ELOVL5: variants seen among roughly 807,000 people sequenced by gnomAD.
ELOVL5 encodes ELOVL fatty acid elongase 5.
ELOVL5 carries 8 observed loss-of-function variants against 38.6 expected under a neutral mutation model. The ratio of observed to expected loss-of-function variants is 0.21; its 90% CI spans 0.12 to 0.37. The LOEUF is 0.37. ELOVL5 is among the 10% of genes least tolerant of loss of function. The pLI is 1.00. For synonymous variants in ELOVL5, 127 were observed against 133.7 expected, an observed-to-expected ratio of 0.95 and a Z score of 0.34; for missense variants, 280 against 367.8, an observed-to-expected ratio of 0.76 and a Z score of 1.95.
At chr6:53,298,991 TAATTA>T (rs1161817609) in intron 1 of ELOVL5, among the ~76,000 whole-genome samples, 2 of 151,774 alleles carry the variant, frequency 1.3e-5, no homozygotes, top group African/African-American at 4.8e-5. Flanking sequence ...AGGAATGTAC[TAATTA>T]AATACACAAA....
chr6:53,271,687 AGGTT>A (rs2127565657), intron 6 of ELOVL5, among the ~76,000 whole-genome samples: 1 of 152,318 alleles, frequency 6.6e-6, no homozygotes, highest in East Asian at 1.9e-4. Flanking sequence ...TCAAACTCTC[AGGTT>A]CAAGAGATCC....
At chr6:53,293,834 A>T (rs1581941711) in intron 2 of ELOVL5, among the ~76,000 whole-genome samples, 1 of 151,596 alleles carries the variant, frequency 6.6e-6, no homozygotes, top group South Asian at 2.1e-4. Context: ...TGCCCTCCAC[A>T]CCCTCCCCAC....
chr6:53,279,571 T>C lies in ELOVL5; in HGVS notation c.247-3315A>G, dbSNP rs146792680. On this transcript the variant is annotated intron_variant, in intron 3 of 7. Coordinates refer to ENST00000304434, the MANE Select transcript of ELOVL5 (RefSeq NM_021814.5). ...TAGCGTACCAGAGATGTCAAACAAA[T>C]ATTTGCTAAACAAATGACAAAGAGT... Among the ~76,000 whole-genome samples the C allele has an allele frequency of 1.9e-4, 29 of 152,324 alleles. No homozygotes were observed. The East Asian group carries it at 5.4e-3, about 28-fold the overall frequency.
intron 1 of ELOVL5, among the ~76,000 whole-genome samples, chr6:53,348,232 G>C (rs978478769): frequency 1.3e-5 from 2 of 152,218 alleles, no homozygotes; most frequent in East Asian, 3.9e-4. Flanking sequence ...CCGAGGGGCG[G>C]ACGGAAGGTC....
intron 1 of ELOVL5, among the ~76,000 whole-genome samples, chr6:53,301,198 T>C (rs1767234650): frequency 6.6e-6 from 1 of 152,152 alleles, no homozygotes; most frequent in African/African-American, 2.4e-5. Flanking sequence ...CACTGCCAGG[T>C]CTGTGGTTGG....
intron 1 of ELOVL5, among the ~76,000 whole-genome samples, chr6:53,348,001 C>T (rs1322553510): frequency 1.4e-5 from 2 of 145,488 alleles, no homozygotes; most frequent in Non-Finnish European, 3.0e-5. Context: ...CACTCTAGCT[C>T]CCCCGGCGCA....
chr6:53,340,885 T>C (rs1042841776), intron 1 of ELOVL5, among the ~76,000 whole-genome samples: 1 of 152,192 alleles, frequency 6.6e-6, no homozygotes, highest in African/African-American at 2.4e-5. Context: ...AATCTGGAGA[T>C]AGAGGCTCCC....
chr6:53,348,030 G>A (rs1277090102), intron 1 of ELOVL5, among the ~76,000 whole-genome samples: 1 of 93,200 alleles, frequency 1.1e-5, no homozygotes, highest in South Asian at 3.3e-4. Context: ...CCGCCCCCCC[G>A]CCGCGCGCCT....
At chr6:53,274,397 G>A (rs1413682390) in intron 5 of ELOVL5, among the ~76,000 whole-genome samples, 2 of 151,994 alleles carry the variant, frequency 1.3e-5, no homozygotes, top group Non-Finnish European at 2.9e-5. Context: ...CAAGGGCAGT[G>A]CTATCCCAGA....
chr6:53,329,654 T>C (rs961800920), intron 1 of ELOVL5, among the ~76,000 whole-genome samples: 5 of 152,022 alleles, frequency 3.3e-5, no homozygotes, highest in African/African-American at 1.2e-4. Context: ...TGAAACCCCG[T>C]CTCTACTAAA....
At chr6:53,321,258 C>A (rs1768293773) in intron 1 of ELOVL5, among the ~76,000 whole-genome samples, 1 of 152,218 alleles carries the variant, frequency 6.6e-6, no homozygotes, top group African/African-American at 2.4e-5. Flanking sequence ...AGGGTTAAAT[C>A]CCACAAGCAG....
intron 3 of ELOVL5, among the ~76,000 whole-genome samples, chr6:53,281,187 G>T (rs1205943784): frequency 1.3e-5 from 2 of 152,178 alleles, no homozygotes; most frequent in African/African-American, 4.8e-5. Context: ...TGATGAAGCT[G>T]CATGTTTACT....
chr6:53,276,280 C>A, intron 3 of ELOVL5, 24 bp from the exon 4 acceptor site: 1 of 1,454,834 alleles, frequency 6.9e-7, no homozygotes, highest in South Asian at 1.1e-5. Context: ...AAGAGCCAGT[C>A]ACCAACAGCA....
intron 3 of ELOVL5, among the ~76,000 whole-genome samples, chr6:53,283,806 CT>C (rs1324803061): frequency 1.3e-5 from 2 of 152,154 alleles, no homozygotes; most frequent in Non-Finnish European, 2.9e-5. Context: ...GGAAAAATAA[CT>C]GTTAATCTAG....
chr6:53,348,029 C>CA (rs1230315181), intron 1 of ELOVL5, among the ~76,000 whole-genome samples: 1 of 151,512 alleles, frequency 6.6e-6, no homozygotes, highest in Non-Finnish European at 1.5e-5. Flanking sequence ...ACCGCCCCCC[C>CA]GCCGCGCGCC....
intron 1 of ELOVL5, among the ~76,000 whole-genome samples, chr6:53,302,051 G>A (rs1283205893): frequency 6.6e-6 from 1 of 152,168 alleles, no homozygotes; most frequent in Non-Finnish European, 1.5e-5. Context: ...ACTATACTAA[G>A]TGTTGTAGAA....
intron 1 of ELOVL5, among the ~76,000 whole-genome samples, chr6:53,321,201 G>A (rs1234567361): frequency 6.6e-6 from 1 of 152,216 alleles, no homozygotes; most frequent in Non-Finnish European, 1.5e-5. Flanking sequence ...ATACCAAAGA[G>A]TATGTGTACT....
At chr6:53,279,190 T>A (rs1461614413) in intron 3 of ELOVL5, among the ~76,000 whole-genome samples, 3 of 152,232 alleles carry the variant, frequency 2.0e-5, no homozygotes, top group African/African-American at 7.2e-5. Context: ...ATGAAGTACA[T>A]AATGCCTGTC....
intron 1 of ELOVL5, among the ~76,000 whole-genome samples, chr6:53,299,386 T>C (rs1011347885): frequency 6.6e-6 from 1 of 152,098 alleles, no homozygotes; most frequent in African/African-American, 2.4e-5. Flanking sequence ...AGTGAAGAAA[T>C]GTTTCAAAGT....
Sources: gnomAD v4.1 joint callset for allele counts (sites outside exome capture counted in the v4.1 genomes callset) on GRCh38, gnomAD v4.1.1 for gene constraint, MANE v1.5 for transcripts, NCBI Gene and HGNC (gene_info 2026-07-23, HGNC 2026-07-21) for gene names.